Variants in DENND4B observed in about 807,000 individuals in gnomAD.
DENND4B encodes the protein DENN domain containing 4B.
A neutral mutation model predicts 161.0 loss-of-function variants in DENND4B; 67 were observed. The observed-to-expected ratio is 0.42, with a 90% confidence interval of 0.34 to 0.51. The LOEUF (loss-of-function observed/expected upper bound fraction) is 0.51. DENND4B is among the 20% of genes least tolerant of loss of function. The pLI is 0.08. For missense variants in DENND4B, 1,481 were observed against 1,968.0 expected (o/e 0.75, Z 4.68); for synonymous variants, 753 against 813.8 (o/e 0.93, Z 1.27).
At position 153,940,303 on chromosome 1, in the gene DENND4B, G is replaced by T. The variant is rs1679593788; in HGVS notation, c.1503-47C>A. The T allele has an allele frequency of 3.8e-6, 6 of 1,568,884 alleles. No individual in the cohort carries two copies. The East Asian group carries it at 1.4e-4, about 35-fold the overall frequency. ...AAAGAGTGGCGAGGCTCTGGGATAG[G>T]GTGACGGGGTTCCTTGCCAGCCTCC... On this transcript the variant is annotated intron_variant, in intron 10 of 27. Transcript: ENST00000361217. This position sits in a 1 kb window ranked among gnomAD's most constrained non-coding sequence, Gnocchi z 5.6.
Position 153,936,661 on chromosome 1 carries a change from G to A in DENND4B, c.2320C>T (p.Leu774=). 1 of 1,613,520 alleles carries A rather than the reference G, an allele frequency of 6.2e-7. No individual in the cohort carries two copies. Among genetic ancestry groups the A allele is most frequent in the Non-Finnish European group, 8.5e-7 (1 of 1,179,664 alleles). ...ARCLLGHCYG[L]WFLCLPAYVR... The stretch of plus-strand genomic sequence containing the variant: ...TAGGCAGGCAGACACAGGAACCACA[G>A]CCCATAGCAGTGCCCCAGCAGGCAC... The change falls in exon 16 of 28, where the codon CTG becomes TTG. Residue 774 remains leucine, a synonymous_variant. Transcript: ENST00000361217. The surrounding 1 kb of genome is among the most constrained non-coding windows in gnomAD (Gnocchi z 4.1).
Position 153,937,701 on chromosome 1 carries a change from T to G in DENND4B, c.2105+23A>C. On this transcript the variant is annotated intron_variant, in intron 14 of 27. Transcript: ENST00000361217. The surrounding 1 kb of genome is among the most constrained non-coding windows in gnomAD (Gnocchi z 4.7). The stretch of plus-strand genomic sequence containing the variant: ...GACCAGTCTATGGGACCCTGGAACA[T>G]GTGAAGGCTAAGAGACTCTCACCAG... The G allele has an allele frequency of 6.2e-7, 1 of 1,613,946 alleles. No homozygotes were observed. Among genetic ancestry groups the G allele is most frequent in the Non-Finnish European group, 8.5e-7 (1 of 1,179,860 alleles).
chr1:153,937,840 A>G lies in DENND4B; in HGVS notation c.1989T>C (p.Pro663=). The G allele has an allele frequency of 2.5e-6, 4 of 1,614,008 alleles. No homozygotes were observed. The highest frequency in any genetic ancestry group is 1.7e-6 in the Non-Finnish European group (2 of 1,179,896). Residue 663 remains proline (P), a synonymous_variant, in exon 14 of 28, where the codon CCT becomes CCC. Coordinates refer to ENST00000361217, the MANE Select transcript of DENND4B (RefSeq NM_014856.3). This position sits in a 1 kb window ranked among gnomAD's most constrained non-coding sequence, Gnocchi z 4.7. Reference sequence around the variant, plus strand: ...CTAGCTCCACTAAGGGTGTCGGCTCAGGCTTCTCCTGCTCTGGGTGGACCT... The same window carrying G: ...CTAGCTCCACTAAGGGTGTCGGCTCGGGCTTCTCCTGCTCTGGGTGGACCT... ...VEKVHPEQEK[P]EPTPLVELEE... is the part of the protein sequence containing the mutation.
chr1:153,942,125 C>A lies in DENND4B; in HGVS notation c.811-12G>T. On this transcript the variant is annotated splice_polypyrimidine_tract_variant and intron_variant, in intron 5 of 27. Transcript: ENST00000361217. This position sits in a 1 kb window ranked among gnomAD's most constrained non-coding sequence, Gnocchi z 6.9. ...GCGGCACCATACACCTGGCAGGGGG[C>A]AGAAGGGTAGTCAGGCAGGCCCTGC... 6.2e-7 allele frequency: 1 copy of A among 1,613,812 alleles called. No individual in the cohort carries two copies. Among genetic ancestry groups the A allele is most frequent in the Non-Finnish European group, 8.5e-7 (1 of 1,179,832 alleles).
intron 6 of DENND4B, 142 bp from the exon 7 acceptor site, chr1:153,941,582 A>G (rs1383398063): frequency 8.7e-7 from 1 of 1,147,942 alleles, no homozygotes; most frequent in African/African-American, 1.6e-5. Context: ...AGCCAACAGA[A>G]CCTCCATTAT....
chr1:153,930,800 G>T lies in DENND4B; in HGVS notation c.4172C>A (p.Ala1391Glu), dbSNP rs376544331. The T allele has an allele frequency of 6.2e-7, 1 of 1,606,784 alleles. No homozygotes were observed. The highest frequency in any genetic ancestry group is 1.7e-5 in the Admixed American group (1 of 58,874). The change falls in exon 26 of 28, where the codon GCA (alanine) becomes GAA (glutamate). Residue 1391 changes from alanine (A) to glutamate (E), a missense_variant. Physicochemically the swap from Ala to Glu is moderately radical, Grantham distance 107. Coordinates refer to ENST00000361217, the MANE Select transcript of DENND4B (RefSeq NM_014856.3). This position sits in a 1 kb window ranked among gnomAD's most constrained non-coding sequence, Gnocchi z 4.7. Reference sequence around the variant, plus strand: ...ATGGCGCAGCACTGACTCCAACAGTGCCAAACTAAGGGATGCAGGTACAGG... The same window carrying T: ...ATGGCGCAGCACTGACTCCAACAGTTCCAAACTAAGGGATGCAGGTACAGG... ...PGPVPASLSL[A>E]LLESVLRHVG...
At position 153,934,322 on chromosome 1, in the gene DENND4B, G is replaced by T. The variant is rs370726296; in HGVS notation, c.2774-20C>A. 2.0e-5 allele frequency: 32 copies of T among 1,561,240 alleles called. No homozygotes were observed. In the African/African-American group the frequency reaches 2.6e-4, roughly 13 times the overall value. ...AGGGCTCTGTAAAAGACGAGAAGGGGTTTAGAGGCGGCCAGCTAGGAACCC... is the reference window on the plus strand; with the variant it reads ...AGGGCTCTGTAAAAGACGAGAAGGGTTTTAGAGGCGGCCAGCTAGGAACCC... On this transcript the variant is annotated intron_variant, in intron 18 of 27. Transcript: ENST00000361217. The surrounding 1 kb of genome is among the most constrained non-coding windows in gnomAD (Gnocchi z 5.3).
chr1:153,930,527 C>G lies in DENND4B; in HGVS notation c.4345+12G>C, dbSNP rs879274651. On this transcript the variant is annotated intron_variant, in intron 27 of 27. Coordinates refer to ENST00000361217, the MANE Select transcript of DENND4B (RefSeq NM_014856.3). This position sits in a 1 kb window ranked among gnomAD's most constrained non-coding sequence, Gnocchi z 4.7. ...ATCCCTAAACTCCTCAGCCCCTTGC[C>G]TGCAATCTCACCTATGTCCACGTGG... The G allele has an allele frequency of 3.7e-6, 6 of 1,613,946 alleles. No homozygotes were observed. Among genetic ancestry groups the G allele is most frequent in the Non-Finnish European group, 5.1e-6 (6 of 1,179,914 alleles).
Position 153,942,900 on chromosome 1 carries a change from G to A in DENND4B, c.548C>T (p.Pro183Leu), listed in dbSNP as rs371551020. The stretch of plus-strand genomic sequence containing the variant: ...CACCATGCCAGGGTTGAGGTTGCGG[G>A]GCAGCCGGCAGTAAGTATGAGGAGT... Reference protein sequence around the residue: ...EGTPHTYCRLPRNLNPGMWGP... With the variant: ...EGTPHTYCRLLRNLNPGMWGP... The change falls in exon 3 of 28, where the codon CCC becomes CTC. Residue 183 changes from proline (P) to leucine (L), a missense_variant. Physicochemically the swap from Pro to Leu is moderately conservative, Grantham distance 98 (BLOSUM62 -3). Transcript: ENST00000361217. This position sits in a 1 kb window ranked among gnomAD's most constrained non-coding sequence, Gnocchi z 6.9. 1 of 1,602,036 alleles carries A rather than the reference G, an allele frequency of 6.2e-7. No individual in the cohort carries two copies. Among genetic ancestry groups the A allele is most frequent in the African/African-American group, 1.3e-5 (1 of 74,694 alleles).
Position 153,936,200 on chromosome 1 carries a change from G to A in DENND4B, c.2440-12C>T. 6.3e-7 allele frequency: 1 copy of A among 1,599,038 alleles called. No homozygotes were observed. Among genetic ancestry groups the A allele is most frequent in the Non-Finnish European group, 8.5e-7 (1 of 1,173,030 alleles). ...ACCCGGTAACACACCTGGGCCAGGA[G>A]AGGCACAGGACAATGGGAGACTCAC... On this transcript the variant is annotated splice_polypyrimidine_tract_variant and intron_variant, in intron 16 of 27. Transcript: ENST00000361217. The surrounding 1 kb of genome is among the most constrained non-coding windows in gnomAD (Gnocchi z 4.1).
rs371791830 is a variant in DENND4B at position 153,940,308 on chromosome 1, C to G, written c.1503-52G>C. ...GTGGCGAGGCTCTGGGATAGGGTGA[C>G]GGGGTTCCTTGCCAGCCTCCCTCAC... On this transcript the variant is annotated intron_variant, in intron 10 of 27. Transcript: ENST00000361217. This position sits in a 1 kb window ranked among gnomAD's most constrained non-coding sequence, Gnocchi z 5.6. 2 of 1,566,522 alleles carry G rather than the reference C, an allele frequency of 1.3e-6. No homozygotes were observed. Among genetic ancestry groups the G allele is most frequent in the Admixed American group, 3.6e-5 (2 of 55,770 alleles).
chr1:153,939,421 A>C (rs924865827), intron 12 of DENND4B, among the ~76,000 whole-genome samples, 168 bp downstream of exon 12: 1 of 151,966 alleles, frequency 6.6e-6, no homozygotes, highest in Non-Finnish European at 1.5e-5. Flanking sequence ...ATTCCCCCCC[A>C]AGACCAGAAG....
Position 153,942,283 on chromosome 1 carries a change from C to T in DENND4B, c.714G>A (p.Leu238=). Residue 238 remains leucine, a synonymous_variant, in exon 5 of 28, where the codon CTG becomes CTA. Transcript: ENST00000361217. The surrounding 1 kb of genome is among the most constrained non-coding windows in gnomAD (Gnocchi z 6.9). The part of the protein sequence containing the change: ...PLPESVPVFC[L]PMGATIECWP... Reference sequence around the variant, plus strand: ...AGCACTCGATAGTGGCCCCCATGGGCAGGCAGAAGACGGGCACTGACTCGG... The same window carrying T: ...AGCACTCGATAGTGGCCCCCATGGGTAGGCAGAAGACGGGCACTGACTCGG... The T allele has an allele frequency of 6.2e-7, 1 of 1,613,896 alleles. No homozygotes were observed. The highest frequency in any genetic ancestry group is 8.5e-7 in the Non-Finnish European group (1 of 1,179,866).
At chr1:153,935,828 C>T (rs1240258549) in intron 17 of DENND4B, 9 of 506,788 alleles carry the variant, frequency 1.8e-5, no homozygotes, top group African/African-American at 9.7e-5. Context: ...CCTGGCTTAG[C>T]GGCTGACACT....
At chr1:153,939,088 G>A (rs1679523526) in intron 12 of DENND4B, 43 bp from the exon 13 acceptor site, 1 of 1,600,534 alleles carries the variant, frequency 6.2e-7, no homozygotes, top group African/African-American at 1.3e-5. Context: ...TGTGACCAGG[G>A]CTCTCCACCA....
Position 153,934,244 on chromosome 1 carries a change from A to G in DENND4B, c.2832T>C (p.Ala944=), listed in dbSNP as rs567102977. The G allele has an allele frequency of 1.9e-6, 3 of 1,600,570 alleles. No individual in the cohort carries two copies. The African/African-American group carries it at 4.0e-5, about 21-fold the overall frequency. The change falls in exon 19 of 28, where the codon GCT becomes GCC. Residue 944 remains alanine (A), a synonymous_variant. Transcript: ENST00000361217. This position sits in a 1 kb window ranked among gnomAD's most constrained non-coding sequence, Gnocchi z 5.3. ...TRPLQRQTTW[A]GRSLRDPASP... ...AGGCTGGGTCTCTCAGACTTCGCCCAGCCCAAGTAGTCTGGCGCTGAAGAG... is the reference window on the plus strand; with the variant it reads ...AGGCTGGGTCTCTCAGACTTCGCCCGGCCCAAGTAGTCTGGCGCTGAAGAG...
Position 153,944,555 on chromosome 1 carries a change from C to T in DENND4B, c.-23-158G>A, listed in dbSNP as rs1359613288. Among the ~76,000 whole-genome samples the T allele has an allele frequency of 2.0e-5, 3 of 152,178 alleles. No homozygotes were observed. Among genetic ancestry groups the T allele is most frequent in the Non-Finnish European group, 4.4e-5 (3 of 68,022 alleles). On this transcript the variant is annotated intron_variant, in intron 1 of 27. Transcript: ENST00000361217. This position sits in a 1 kb window ranked among gnomAD's most constrained non-coding sequence, Gnocchi z 4.8. ...AACTCTTCCCCCTGTGACATCACTGCCCACCACAGCTTCTTAAAGAGACCA... is the reference window on the plus strand; with the variant it reads ...AACTCTTCCCCCTGTGACATCACTGTCCACCACAGCTTCTTAAAGAGACCA...
In DENND4B at chr1:153,930,303, T is replaced by C. The variant is rs982441457; in HGVS notation, c.4485A>G (p.Glu1495=). 9 of 1,613,828 alleles carry C rather than the reference T, an allele frequency of 5.6e-6. No homozygotes were observed. The highest frequency in any genetic ancestry group is 7.6e-6 in the Non-Finnish European group (9 of 1,179,746). ...AGAGGGAAGCTTAAGGTCTCTAGCATTCTGGAGGTGCTCCAAAACATTTTC... is the reference window on the plus strand; with the variant it reads ...AGAGGGAAGCTTAAGGTCTCTAGCACTCTGGAGGTGCTCCAAAACATTTTC... ...DCRKCFGAPP[E]C is the part of the protein sequence containing the mutation. Residue 1495 remains glutamate (E), a synonymous_variant, in exon 28 of 28, where the codon GAA becomes GAG. Transcript: ENST00000361217. The surrounding 1 kb of genome is among the most constrained non-coding windows in gnomAD (Gnocchi z 4.7).
intron 6 of DENND4B, 84 bp downstream of exon 6, chr1:153,941,785 C>A (rs72694260): frequency 2.3e-5 from 27 of 1,156,064 alleles, no homozygotes; most frequent in East Asian, 7.7e-5. Flanking sequence ...GCCCTCCCCC[C>A]ACCCACATCT....
Sources: allele counts gnomAD v4.1 joint callset (sites outside exome capture counted in the v4.1 genomes callset), GRCh38; gene constraint gnomAD v4.1.1; non-coding constraint Gnocchi (gnomAD v3.1); transcripts MANE v1.5; gene names NCBI Gene and HGNC (gene_info 2026-07-23, HGNC 2026-07-21).